The following PDE6B variants were observed in gnomAD, a reference collection of about 807,000 sequenced individuals.
The protein encoded by PDE6B is rod cGMP-specific 3',5'-cyclic phosphodiesterase subunit beta.
A neutral mutation model predicts 109.0 loss-of-function variants in PDE6B; 106 were observed. The ratio of observed to expected loss-of-function variants is 0.97; its 90% CI spans 0.83 to 1.14. PDE6B has a LOEUF of 1.14. PDE6B is among the 50% of genes most tolerant of loss of function. The pLI is 0.00. For missense variants in PDE6B, 1,193 were observed against 1,155.6 expected (o/e 1.03, Z -0.47); for synonymous variants, 490 against 471.3 (o/e 1.04, Z -0.51).
chr4:661,628 T>A (rs1430201151), intron 12 of PDE6B: 1 of 154,424 alleles, frequency 6.5e-6, no homozygotes, highest in African/African-American at 2.4e-5. Context: ...GAATAAAAAA[T>A]ATTTCCAAAT....
intron 3 of PDE6B, among the ~76,000 whole-genome samples, chr4:649,752 G>A (rs1016365571): frequency 3.3e-5 from 5 of 152,140 alleles, no homozygotes; most frequent in Admixed American, 1.3e-4. Flanking sequence ...GCTCAGGGTC[G>A]GGGGGAGACT....
chr4:665,379 C>T lies in PDE6B; in HGVS notation c.2268+50C>T, dbSNP rs938460422. 1.1e-5 allele frequency: 14 copies of T among 1,307,190 alleles called. No homozygotes were observed. The highest frequency in any genetic ancestry group is 3.4e-5 in the Admixed American group (2 of 58,588). The allele number at this position is 1,307,190 out of a possible 1,614,324, so 81.0% of individuals were successfully genotyped here. ...CACTCCTGAAACGGGTGTTAGAGAC[C>T]CCTCTTGGTCCTCAGGAGCCTCAGG... On this transcript the variant is annotated intron_variant, in intron 19 of 21. Transcript: ENST00000496514. The surrounding 1 kb of genome is among the most constrained non-coding windows in gnomAD (Gnocchi z 4.0).
At chr4:655,487 C>G (rs1736107464) in intron 6 of PDE6B, 1 of 317,272 alleles carries the variant, frequency 3.2e-6, no homozygotes, top group Admixed American at 4.6e-5. Flanking sequence ...CAGGCACCAA[C>G]GCTGAGTCCT....
rs1311572204 is a variant in PDE6B at position 660,476 on chromosome 4, C to T, written c.1477C>T (p.Leu493=). ...ACAATCCCTCCCACAGAAGGAGGAG[C>T]TGCCAGGGCCCACCACATTTGACAT... ...DELGEILKEE[L]PGPTTFDIYE... The change falls in exon 12 of 22, where the codon CTG becomes TTG. Residue 493 remains leucine, a synonymous_variant. Transcript: ENST00000496514. 1 of 1,613,776 alleles carries T rather than the reference C, an allele frequency of 6.2e-7. No individual in the cohort carries two copies. The highest frequency in any genetic ancestry group is 2.2e-5 in the East Asian group (1 of 44,894).
At chr4:656,652 C>A (rs374558687) in intron 8 of PDE6B, among the ~76,000 whole-genome samples, 2 of 152,218 alleles carry the variant, frequency 1.3e-5, no homozygotes, top group South Asian at 2.1e-4. Flanking sequence ...GGTGGGAAAA[C>A]GGCCTCTACC....
At chr4:658,883 G>C in intron 10 of PDE6B, 69 bp from the exon 11 acceptor site, 1 of 1,116,450 alleles carries the variant, frequency 9.0e-7, no homozygotes, top group South Asian at 1.2e-5. Flanking sequence ...CACACGGGGT[G>C]GACGCACCGC....
chr4:651,765 G>A (rs1331082687), intron 3 of PDE6B: 2 of 152,406 alleles, frequency 1.3e-5, no homozygotes, highest in African/African-American at 4.8e-5. Flanking sequence ...CAGGTGCCGG[G>A]GCTGTGGAGA....
At chr4:628,904 C>T (rs1197519249) in intron 1 of PDE6B, among the ~76,000 whole-genome samples, 3 of 152,234 alleles carry the variant, frequency 2.0e-5, no homozygotes, top group Admixed American at 6.5e-5. Flanking sequence ...TGGGGAGACA[C>T]AGCGAATCCC....
In PDE6B at chr4:649,258, G is replaced by A. The variant is rs147646515; in HGVS notation, c.712-4594G>A. Among the ~76,000 whole-genome samples the A allele has an allele frequency of 7.9e-3, 1,202 of 152,328 alleles. 14 individuals carry two copies. Among genetic ancestry groups the A allele is most frequent in the Middle Eastern group, 0.048 (14 of 294 alleles). Reference sequence around the variant, plus strand: ...TTTAATTGACATAATGGCCATGATTGAATTGTCATAATGGCTATGTTTAAT... The same window carrying A: ...TTTAATTGACATAATGGCCATGATTAAATTGTCATAATGGCTATGTTTAAT... On this transcript the variant is annotated intron_variant, in intron 3 of 21. Coordinates refer to ENST00000496514, the MANE Select transcript of PDE6B (RefSeq NM_000283.4).
At chr4:637,786 C>T (rs1056674912) in intron 3 of PDE6B, among the ~76,000 whole-genome samples, 2 of 152,210 alleles carry the variant, frequency 1.3e-5, no homozygotes, top group Non-Finnish European at 2.9e-5. Flanking sequence ...GTGACCATCG[C>T]GCTCGAGCTG....
At chr4:645,330 C>G (rs1735147830) in intron 3 of PDE6B, among the ~76,000 whole-genome samples, 1 of 137,208 alleles carries the variant, frequency 7.3e-6, no homozygotes, top group Non-Finnish European at 1.5e-5. Context: ...GAGTCTCGCT[C>G]TGTCGCCCAG....
intron 6 of PDE6B, chr4:655,173 TG>T (rs887008168): frequency 1.9e-4 from 100 of 514,878 alleles, no homozygotes; most frequent in African/African-American, 1.7e-3. Context: ...CCAGGCAAGC[TG>T]TCCAGGCGGC....
In PDE6B at chr4:665,564, G is replaced by A. The variant is rs1737701182; in HGVS notation, c.2268+235G>A. 6.6e-6 allele frequency among the ~76,000 whole-genome samples: 1 copy of A among 152,170 alleles called. No homozygotes were observed. Among genetic ancestry groups the A allele is most frequent in the Non-Finnish European group, 1.5e-5 (1 of 68,026 alleles). ...CGTCGTTGGCACTGGAGGAACCAGG[G>A]CCACCCGCTCATCACCAGGAGCCTC... On this transcript the variant is annotated intron_variant, in intron 19 of 21. Coordinates refer to ENST00000496514, the MANE Select transcript of PDE6B (RefSeq NM_000283.4). The surrounding 1 kb of genome is among the most constrained non-coding windows in gnomAD (Gnocchi z 4.0).
Position 636,081 on chromosome 4 carries a change from G to C in PDE6B, c.711+112G>C. The C allele has an allele frequency of 1.4e-6, 1 of 725,556 alleles. No homozygotes were observed. Among genetic ancestry groups the C allele is most frequent in the Non-Finnish European group, 2.5e-6 (1 of 397,386 alleles). The allele number at this position is 725,556 out of a possible 1,614,324, so 44.9% of individuals were successfully genotyped here. On this transcript the variant is annotated intron_variant, in intron 3 of 21. Transcript: ENST00000496514. This position sits in a 1 kb window ranked among gnomAD's most constrained non-coding sequence, Gnocchi z 4.5. ...GGTGGTCTTGTGCTCACCTGGGTAG[G>C]TCCTGGGGTGGGCATTGCTCAGGGG...
At chr4:628,180 T>G (rs112799062) in intron 1 of PDE6B, among the ~76,000 whole-genome samples, 1,621 of 145,710 alleles carry the variant, frequency 0.011, 36 homozygotes, top group African/African-American at 0.039. Context: ...GAAGTGCAAA[T>G]CCTCATGAAG....
chr4:644,661 C>G (rs556208938), intron 3 of PDE6B, among the ~76,000 whole-genome samples: 14 of 152,026 alleles, frequency 9.2e-5, no homozygotes, highest in Non-Finnish European at 1.9e-4. Flanking sequence ...TCCCGAGTAG[C>G]TGGGACTACA....
rs1027624610 is a variant in PDE6B, at chr4:626,271, G to A, written c.468+177G>A. Among the ~76,000 whole-genome samples, 2 of 152,200 alleles carry A rather than the reference G, an allele frequency of 1.3e-5. No homozygotes were observed. Among genetic ancestry groups the A allele is most frequent in the African/African-American group, 2.4e-5 (1 of 41,462 alleles). ...CCCCTCCCGGCACTGTGCCCTGGCC[G>A]CCTGCCTCTCCGACTCGGCTTCTGG... On this transcript the variant is annotated intron_variant, in intron 1 of 21. Coordinates refer to ENST00000496514, the MANE Select transcript of PDE6B (RefSeq NM_000283.4). The surrounding 1 kb of genome is among the most constrained non-coding windows in gnomAD (Gnocchi z 4.6).
At chr4:638,377 C>A (rs1734793918) in intron 3 of PDE6B, among the ~76,000 whole-genome samples, 1 of 152,080 alleles carries the variant, frequency 6.6e-6, no homozygotes, top group Non-Finnish European at 1.5e-5. Flanking sequence ...AGGTGGAGTG[C>A]AATAGTGAAA....
chr4:625,821 T>C lies in PDE6B; in HGVS notation c.195T>C (p.Asp65=). Residue 65 remains aspartate, a synonymous_variant, in exon 1 of 22, where the codon GAT becomes GAC. Transcript: ENST00000496514. This position sits in a 1 kb window ranked among gnomAD's most constrained non-coding sequence, Gnocchi z 5.0. ...ESTALLELVQ[D]MQESINMERV... ...CGGCGCTGCTGGAGCTGGTGCAGGATATGCAGGAGAGCATCAACATGGAGC... is the reference window on the plus strand; with the variant it reads ...CGGCGCTGCTGGAGCTGGTGCAGGACATGCAGGAGAGCATCAACATGGAGC... 6.2e-7 allele frequency: 1 copy of C among 1,613,156 alleles called. No individual in the cohort carries two copies.
Sources: allele counts gnomAD v4.1 joint callset (sites outside exome capture counted in the v4.1 genomes callset), GRCh38; gene constraint gnomAD v4.1.1; non-coding constraint Gnocchi (gnomAD v3.1); transcripts MANE v1.5; gene names NCBI Gene and HGNC (gene_info 2026-07-23, HGNC 2026-07-21).